The following CCDC141 variants were observed in gnomAD, a reference collection of about 807,000 sequenced individuals.
CCDC141 encodes the protein coiled-coil domain-containing protein 141.
Under a neutral mutation model 181.0 loss-of-function variants are expected in CCDC141, and 168 were observed. That is an observed-to-expected ratio of 0.93 (90% CI 0.82 to 1.05). The LOEUF is 1.05. Ranked by LOEUF, CCDC141 falls within the 50% of genes least tolerant of loss-of-function variation. The probability of loss-of-function intolerance (pLI) is 0.00; values close to 1 mark genes in which losing one functional copy is unlikely to be tolerated. For missense variants in CCDC141, 1,902 were observed against 1,788.5 expected (o/e 1.06, Z -1.14); for synonymous variants, 666 against 642.3 (o/e 1.04, Z -0.56).
chr2:178,947,330 C>T (rs1410972259), intron 5 of CCDC141, among the ~76,000 whole-genome samples: 2 of 151,968 alleles, frequency 1.3e-5, no homozygotes, highest in Non-Finnish European at 2.9e-5. Context: ...GAACATGGTC[C>T]CTGCAAAACT....
intron 21 of CCDC141, among the ~76,000 whole-genome samples, chr2:178,846,999 G>T (rs1308282990): frequency 6.6e-6 from 1 of 152,122 alleles, no homozygotes; most frequent in East Asian, 1.9e-4. Context: ...ATAGACATTT[G>T]CTCTCTTCAT....
At chr2:179,044,731 C>G (rs340340) in intron 2 of CCDC141, among the ~76,000 whole-genome samples, 77,031 of 151,964 alleles carry the variant, frequency 0.51, 21,763 homozygotes, top group Non-Finnish European at 0.64. Context: ...TACAAAGGAG[C>G]TGGGGTCACA....
rs112071927 is a variant in CCDC141, at chr2:178,907,578, G to A, written c.1093-2077C>T. Among the ~76,000 whole-genome samples the A allele has an allele frequency of 5.3e-5, 8 of 152,282 alleles. 1 individual carries two copies. The highest frequency in any genetic ancestry group is 1.7e-4 in the African/African-American group (7 of 41,566). ...GTTGAGAGATTTCTCTTATACTATA[G>A]GACTGTAAAAGAAAGAGAACTTAAT... On this transcript the variant is annotated intron_variant, in intron 7 of 23. Transcript: ENST00000443758.
chr2:179,031,216 C>A (rs1190934908), intron 2 of CCDC141, among the ~76,000 whole-genome samples: 1 of 138,686 alleles, frequency 7.2e-6, no homozygotes. Context: ...TTTTTTTTTT[C>A]TTCTTGAGTA....
chr2:178,818,629 T>C, the CCDC141 span, among the ~76,000 whole-genome samples: 1 of 152,362 alleles, frequency 6.6e-6, no homozygotes, highest in Middle Eastern at 3.4e-3. Context: ...TATGGCTGCA[T>C]AGCATTCCAT....
intron 6 of CCDC141, among the ~76,000 whole-genome samples, chr2:178,940,296 C>T (rs1055178923): frequency 1.3e-5 from 2 of 152,032 alleles, no homozygotes; most frequent in African/African-American, 4.8e-5. Context: ...TACAACTTTC[C>T]AAATTTACAT....
intron 2 of CCDC141, among the ~76,000 whole-genome samples, chr2:179,015,394 C>CAT (rs1434341393): frequency 2.7e-4 from 36 of 133,888 alleles, no homozygotes; most frequent in African/African-American, 6.7e-4. Flanking sequence ...ATATATGTAT[C>CAT]ATATATCTCA....
intron 2 of CCDC141, among the ~76,000 whole-genome samples, chr2:179,041,174 C>A (rs1054432755): frequency 4.6e-5 from 7 of 152,094 alleles, no homozygotes; most frequent in Non-Finnish European, 5.9e-5. Flanking sequence ...TGGGTTCACG[C>A]CATTTTCCTG....
In CCDC141 at chr2:178,932,150, G is replaced by A. The variant is rs188548630; in HGVS notation, c.897+12385C>T. Among the ~76,000 whole-genome samples, 1,117 of 152,074 alleles carry A rather than the reference G, an allele frequency of 7.3e-3. 21 individuals are homozygous for A. Among genetic ancestry groups the A allele is most frequent in the African/African-American group, 0.026 (1,058 of 41,484 alleles). On this transcript the variant is annotated intron_variant, in intron 6 of 23. Coordinates refer to ENST00000443758, the MANE Select transcript of CCDC141 (RefSeq NM_173648.4). Reference sequence around the variant, plus strand: ...TCCAGCCTAGGTGACAGAGTGAGACGCAGTCTCAAAAAACAAAAACAAAAA... The same window carrying A: ...TCCAGCCTAGGTGACAGAGTGAGACACAGTCTCAAAAAACAAAAACAAAAA...
chr2:178,997,893 C>T (rs190403629), intron 2 of CCDC141, among the ~76,000 whole-genome samples: 4 of 152,194 alleles, frequency 2.6e-5, no homozygotes, highest in East Asian at 1.9e-4. Context: ...GCCTTTAACC[C>T]GTCCCCCCTC....
At chr2:178,859,862 C>T (rs1004682727) in intron 17 of CCDC141, among the ~76,000 whole-genome samples, 2 of 152,034 alleles carry the variant, frequency 1.3e-5, no homozygotes, top group African/African-American at 4.8e-5. Context: ...GGGAAAGAGG[C>T]TGATGCCAAG....
Position 178,868,035 on chromosome 2 carries a change from C to A in CCDC141, c.2565G>T (p.Val855=), listed in dbSNP as rs1344513612. 7 of 1,613,036 alleles carry A rather than the reference C, an allele frequency of 4.3e-6. No individual in the cohort carries two copies. The highest frequency in any genetic ancestry group is 1.1e-5 in the South Asian group (1 of 91,034). The change falls in exon 16 of 24, where the codon GTG becomes GTT. Residue 855 remains valine (V), a synonymous_variant. Transcript: ENST00000443758. ...LSLGVDIISS[V]QRPHCSNVSA... ...GTTATTAGATGCTTACAGGCCGCTGCACTGATGAGATGATGTCGACTCCTA... is the reference window on the plus strand; with the variant it reads ...GTTATTAGATGCTTACAGGCCGCTGAACTGATGAGATGATGTCGACTCCTA...
rs1432357246 is a variant in CCDC141 at position 178,834,257 on chromosome 2, C to A, written c.4509G>T (p.Arg1503Ser). 4.0e-5 allele frequency: 62 copies of A among 1,536,008 alleles called. No individual in the cohort carries two copies. The highest frequency in any genetic ancestry group is 4.4e-5 in the Non-Finnish European group (50 of 1,146,876). Residue 1503 changes from arginine to serine, a missense_variant, in exon 24 of 24, where the codon AGG becomes AGT. Physicochemically the swap from Arg to Ser is moderately radical, Grantham distance 110 (BLOSUM62 -1). Transcript: ENST00000443758. ...TCCAGTTTACTCTTGTGATTGGCAG[C>A]CTGCAGTTACCTGTCACGTGGAGGA... is the stretch of plus-strand genomic sequence containing the variant. ...NVILHVTGNC[R>S]LPITRVNWIT... is the part of the protein sequence containing the mutation.
intron 22 of CCDC141, among the ~76,000 whole-genome samples, chr2:178,841,791 C>T (rs1317435910): frequency 1.3e-5 from 2 of 152,106 alleles, no homozygotes; most frequent in East Asian, 1.9e-4. Context: ...ATTACAGGCA[C>T]CCAGCTAATT....
intron 2 of CCDC141, among the ~76,000 whole-genome samples, chr2:178,980,859 A>G (rs1196462822): frequency 9.9e-5 from 15 of 152,240 alleles, no homozygotes; most frequent in Non-Finnish European, 8.8e-5. Flanking sequence ...TTAGTTGTCA[A>G]TTATACCTCA....
chr2:179,003,023 G>A (rs2042027485), intron 2 of CCDC141, among the ~76,000 whole-genome samples: 1 of 152,156 alleles, frequency 6.6e-6, no homozygotes, highest in Non-Finnish European at 1.5e-5. Flanking sequence ...GATGTATTGA[G>A]TCAATCCGGA....
chr2:179,048,705 A>C (rs1057012391), intron 1 of CCDC141, among the ~76,000 whole-genome samples: 4 of 152,086 alleles, frequency 2.6e-5, no homozygotes, highest in African/African-American at 9.7e-5. Context: ...TGGGACTCTG[A>C]AAAGATGGGA....
At chr2:178,908,529 T>C (rs1575203070) in intron 7 of CCDC141, among the ~76,000 whole-genome samples, 2 of 152,184 alleles carry the variant, frequency 1.3e-5, no homozygotes, top group African/African-American at 4.8e-5. Flanking sequence ...AAAGCAAAAA[T>C]CTGGCATAGT....
At chr2:178,974,197 T>A (rs1021847788) in intron 4 of CCDC141, among the ~76,000 whole-genome samples, 1 of 152,190 alleles carries the variant, frequency 6.6e-6, no homozygotes, top group Admixed American at 6.6e-5. Flanking sequence ...CTAAATCTAT[T>A]TGTGACTTTA....
Sources: allele counts gnomAD v4.1 joint callset (sites outside exome capture counted in the v4.1 genomes callset), GRCh38; gene constraint gnomAD v4.1.1; transcripts MANE v1.5; gene names NCBI Gene and HGNC (gene_info 2026-07-23, HGNC 2026-07-21).